Variants in CTNNA3 observed in about 807,000 individuals in gnomAD.
CTNNA3 encodes catenin alpha-3.
Under a neutral mutation model 95.7 loss-of-function variants are expected in CTNNA3, and 76 were observed. The ratio of observed to expected loss-of-function variants is 0.79; its 90% CI spans 0.66 to 0.96. The LOEUF (loss-of-function observed/expected upper bound fraction) is 0.96. Among genes scored for constraint, CTNNA3 ranks in the 40% least tolerant of loss-of-function variants. The probability of loss-of-function intolerance (pLI) is 0.00; values close to 1 mark genes in which losing one functional copy is unlikely to be tolerated. For missense variants in CTNNA3, 1,191 were observed against 1,089.8 expected, an observed-to-expected ratio of 1.09 and a Z score of -1.31; for synonymous variants, 431 against 374.4, an observed-to-expected ratio of 1.15 and a Z score of -1.74.
chr10:66,015,753 T>G (rs2079083165), intron 15 of CTNNA3, among the ~76,000 whole-genome samples: 1 of 152,190 alleles, frequency 6.6e-6, no homozygotes, highest in South Asian at 2.1e-4. Flanking sequence ...ATAAAGTCCC[T>G]TTTATGGAGA....
At chr10:66,201,787 T>TC (rs1554887928) in intron 13 of CTNNA3, among the ~76,000 whole-genome samples, 3 of 140,418 alleles carry the variant, frequency 2.1e-5, no homozygotes, top group Admixed American at 7.2e-5. Flanking sequence ...CTTTTTCTTT[T>TC]TTTTTTTTTT....
At chr10:67,345,040 G>A (rs969672369) in intron 5 of CTNNA3, among the ~76,000 whole-genome samples, 1 of 151,594 alleles carries the variant, frequency 6.6e-6, no homozygotes, top group African/African-American at 2.4e-5. Context: ...GGTATGTTGT[G>A]TTTCCATTAT....
At chr10:66,631,123 T>A (rs1845119521) in intron 9 of CTNNA3, among the ~76,000 whole-genome samples, 2 of 152,322 alleles carry the variant, frequency 1.3e-5, no homozygotes, top group African/African-American at 4.8e-5. Flanking sequence ...ACTTTGCATC[T>A]CAAGCTGCTT....
intron 17 of CTNNA3, among the ~76,000 whole-genome samples, chr10:65,963,238 C>A (rs1209345181): frequency 6.6e-6 from 1 of 152,122 alleles, no homozygotes; most frequent in African/African-American, 2.4e-5. Flanking sequence ...CCTTTACAAG[C>A]TTTTGCTCTA....
intron 1 of CTNNA3, among the ~76,000 whole-genome samples, chr10:67,715,877 TA>T (rs1841139548): frequency 1.3e-5 from 2 of 152,184 alleles, no homozygotes; most frequent in African/African-American, 4.8e-5. Flanking sequence ...TTGGGGCAGG[TA>T]TTTTTTTTAA....
chr10:67,535,611 A>C (rs985980509), intron 4 of CTNNA3, among the ~76,000 whole-genome samples: 2 of 152,120 alleles, frequency 1.3e-5, no homozygotes, highest in African/African-American at 4.8e-5. Context: ...GTTAGACATT[A>C]AATCAGGGAT....
At chr10:67,511,624 G>A (rs1337681563) in intron 5 of CTNNA3, among the ~76,000 whole-genome samples, 2 of 152,122 alleles carry the variant, frequency 1.3e-5, no homozygotes, top group Admixed American at 6.5e-5. Flanking sequence ...TTTTCTCATC[G>A]ATGTTTATCA....
chr10:67,504,456 A>C (rs959390605), intron 5 of CTNNA3, among the ~76,000 whole-genome samples: 4 of 150,544 alleles, frequency 2.7e-5, no homozygotes, highest in South Asian at 2.1e-4. Context: ...AAAAAAAAAA[A>C]AAAACAGAGT....
At chr10:66,778,748 G>C (rs1199555935) in intron 7 of CTNNA3, among the ~76,000 whole-genome samples, 1 of 152,168 alleles carries the variant, frequency 6.6e-6, no homozygotes, top group East Asian at 1.9e-4. Flanking sequence ...GGCCAAGGCA[G>C]GTGGATCACC....
chr10:67,451,568 A>G (rs1383374984), intron 5 of CTNNA3, among the ~76,000 whole-genome samples: 1 of 152,184 alleles, frequency 6.6e-6, no homozygotes, highest in African/African-American at 2.4e-5. Context: ...GCAAAAAGAC[A>G]TATGAAGCAG....
chr10:66,254,333 T>C, intron 13 of CTNNA3, among the ~76,000 whole-genome samples: 1 of 152,166 alleles, frequency 6.6e-6, no homozygotes, highest in East Asian at 1.9e-4. Context: ...TCTATAGATC[T>C]CTGGAATGTA....
intron 7 of CTNNA3, among the ~76,000 whole-genome samples, chr10:66,967,460 T>A (rs1174737323): frequency 1.3e-5 from 2 of 151,848 alleles, no homozygotes; most frequent in Non-Finnish European, 2.9e-5. Context: ...AATTAATTAA[T>A]CAATAATGGT....
At chr10:65,944,854 GTCTATCTA>G (rs56952134) in intron 17 of CTNNA3, among the ~76,000 whole-genome samples, 14,850 of 144,840 alleles carry the variant, frequency 0.1, 777 homozygotes, top group South Asian at 0.15. Context: ...GAAAATATCT[GTCTATCTA>G]TCTATCTATC....
At chr10:66,008,326 T>G (rs2078937583) in intron 15 of CTNNA3, among the ~76,000 whole-genome samples, 1 of 152,220 alleles carries the variant, frequency 6.6e-6, no homozygotes, top group Admixed American at 6.5e-5. Flanking sequence ...ACACTGGTGC[T>G]GAATAACTTC....
chr10:65,942,682 G>A (rs2077448260), intron 17 of CTNNA3, among the ~76,000 whole-genome samples: 1 of 152,096 alleles, frequency 6.6e-6, no homozygotes, highest in South Asian at 2.1e-4. Context: ...AATAAGAACT[G>A]AAAAAATATT....
intron 3 of CTNNA3, among the ~76,000 whole-genome samples, chr10:67,574,649 C>T (rs899069661): frequency 6.9e-6 from 1 of 144,830 alleles, no homozygotes; most frequent in Non-Finnish European, 1.5e-5. Context: ...GGTGCGATCT[C>T]TGCTCACCAC....
intron 7 of CTNNA3, among the ~76,000 whole-genome samples, chr10:66,975,184 T>A (rs1307668956): frequency 6.6e-6 from 1 of 152,214 alleles, no homozygotes; most frequent in Non-Finnish European, 1.5e-5. Flanking sequence ...CTGCAATTGA[T>A]AGCTAGCTCA....
chr10:67,685,317 TAAG>T (rs941304406), intron 1 of CTNNA3, among the ~76,000 whole-genome samples: 6 of 152,250 alleles, frequency 3.9e-5, no homozygotes, highest in African/African-American at 1.4e-4. Flanking sequence ...GTAAGTACTT[TAAG>T]GTTTAGCTGA....
At chr10:66,374,778 C>A (rs2092782656) in intron 12 of CTNNA3, among the ~76,000 whole-genome samples, 1 of 151,924 alleles carries the variant, frequency 6.6e-6, no homozygotes, top group Non-Finnish European at 1.5e-5. Context: ...CAACACCCAT[C>A]TAATTTTTTT....
Sources: gnomAD v4.1 joint callset for allele counts (sites outside exome capture counted in the v4.1 genomes callset) on GRCh38, gnomAD v4.1.1 for gene constraint, MANE v1.5 for transcripts, NCBI Gene and HGNC (gene_info 2026-07-23, HGNC 2026-07-21) for gene names.